MAML3: variants seen among roughly 807,000 people sequenced by gnomAD.
The protein encoded by MAML3 is mastermind like transcriptional coactivator 3.
In MAML3, 27 loss-of-function variants were observed where a neutral mutation model predicts 101.9. The observed-to-expected ratio is 0.27, with a 90% CI of 0.20 to 0.37. The LOEUF (loss-of-function observed/expected upper bound fraction) is 0.37, where lower values mean the gene tolerates loss of function less well. MAML3 is among the 10% of genes least tolerant of loss of function. The pLI is 1.00. For synonymous variants in MAML3, 501 were observed against 555.9 expected (o/e 0.90, Z 1.39); for missense variants, 1,316 against 1,444.9 (o/e 0.91, Z 1.45).
At chr4:140,004,652 C>T (rs765597964) in intron 1 of MAML3, among the ~76,000 whole-genome samples, 2 of 152,062 alleles carry the variant, frequency 1.3e-5, no homozygotes, top group African/African-American at 2.4e-5. Flanking sequence ...AGACAAAGAA[C>T]GCCATGAGAC....
intron 1 of MAML3, among the ~76,000 whole-genome samples, chr4:139,934,310 T>C (rs577563615): frequency 3.9e-5 from 6 of 152,068 alleles, no homozygotes; most frequent in Non-Finnish European, 5.9e-5. Flanking sequence ...TGGGTGTGTG[T>C]GCGTGTGAGT....
chr4:139,938,131 G>A (rs1733541509), intron 1 of MAML3, among the ~76,000 whole-genome samples: 1 of 152,112 alleles, frequency 6.6e-6, no homozygotes, highest in African/African-American at 2.4e-5. Context: ...GGCCCCCAAG[G>A]CAGAAAGATT....
intron 1 of MAML3, among the ~76,000 whole-genome samples, chr4:139,973,718 C>CA (rs1423450682): frequency 1.3e-5 from 2 of 152,108 alleles, no homozygotes; most frequent in South Asian, 2.1e-4. Context: ...ACTTATTCTC[C>CA]AAAAAACAAA....
chr4:139,769,895 G>A (rs989038251), intron 2 of MAML3, among the ~76,000 whole-genome samples: 38 of 149,914 alleles, frequency 2.5e-4, no homozygotes, highest in Non-Finnish European at 3.4e-4. Flanking sequence ...GATTACAGGC[G>A]TGAGCCATCG....
chr4:139,888,526 G>T, intron 2 of MAML3: 1 of 518,470 alleles, frequency 1.9e-6, no homozygotes, highest in Non-Finnish European at 3.8e-6. Context: ...AAGGAGCTTT[G>T]GCTGTTTGCC....
intron 2 of MAML3, among the ~76,000 whole-genome samples, chr4:139,871,022 A>G (rs1232866925): frequency 6.6e-6 from 1 of 152,240 alleles, no homozygotes; most frequent in Non-Finnish European, 1.5e-5. Flanking sequence ...GTTTGTGTGT[A>G]CATACACAAA....
chr4:139,865,496 G>T (rs11100315), intron 2 of MAML3, among the ~76,000 whole-genome samples: 68,641 of 122,054 alleles, frequency 0.56, 17,935 homozygotes, highest in African/African-American at 0.7. Flanking sequence ...TTTTTTTTTT[G>T]TTTTTTTTTT....
At chr4:139,843,291 G>T (rs1049614720) in intron 2 of MAML3, among the ~76,000 whole-genome samples, 2 of 152,064 alleles carry the variant, frequency 1.3e-5, no homozygotes, top group African/African-American at 4.8e-5. Context: ...GAAAGGTGAC[G>T]CCATCTATCT....
At chr4:139,941,856 G>A (rs927285658) in intron 1 of MAML3, among the ~76,000 whole-genome samples, 1 of 152,084 alleles carries the variant, frequency 6.6e-6, no homozygotes, top group Non-Finnish European at 1.5e-5. Context: ...ATACCAAGCC[G>A]GTCACGATGG....
chr4:139,784,628 TG>T (rs1730274896), intron 2 of MAML3, among the ~76,000 whole-genome samples: 1 of 152,236 alleles, frequency 6.6e-6, no homozygotes, highest in African/African-American at 2.4e-5. Context: ...AAGAAACATT[TG>T]TATTGCTTTT....
At chr4:139,902,276 C>T (rs1291055537) in intron 1 of MAML3, among the ~76,000 whole-genome samples, 2 of 20,110 alleles carry the variant, frequency 9.9e-5, no homozygotes, top group Admixed American at 1.7e-3. Flanking sequence ...CACACACACG[C>T]ACACACACAC....
At chr4:139,793,168 T>C (rs1428796466) in intron 2 of MAML3, among the ~76,000 whole-genome samples, 1 of 152,166 alleles carries the variant, frequency 6.6e-6, no homozygotes. Flanking sequence ...TACTGTGCTA[T>C]GCTCTTGAGC....
At chr4:140,081,532 T>G (rs374752988) in intron 1 of MAML3, among the ~76,000 whole-genome samples, 2 of 152,150 alleles carry the variant, frequency 1.3e-5, no homozygotes, top group Non-Finnish European at 2.9e-5. Context: ...TATGCAGGCA[T>G]TGGTTGGCTG....
intron 1 of MAML3, among the ~76,000 whole-genome samples, chr4:139,936,277 T>A (rs1034353130): frequency 6.6e-6 from 1 of 152,210 alleles, no homozygotes; most frequent in Non-Finnish European, 1.5e-5. Context: ...ACCACATTTT[T>A]AAATTCATTC....
intron 2 of MAML3, among the ~76,000 whole-genome samples, chr4:139,859,743 G>A (rs1029338006): frequency 5.3e-5 from 8 of 152,190 alleles, no homozygotes; most frequent in Admixed American, 4.6e-4. Flanking sequence ...AATCTGAGAC[G>A]TAAGGAGGTT....
Position 139,719,373 on chromosome 4 carries a change from G to T in MAML3, c.3367C>A (p.Pro1123Thr). The T allele has an allele frequency of 1.9e-6, 3 of 1,611,474 alleles. No individual in the cohort carries two copies. In the South Asian group the frequency reaches 3.3e-5, roughly 18 times the overall value. ...AGCTCCTGCATCCACTCGTCCCCTG[G>T]CCCGCCTTTGATGATGGAGTCCACA... ...DLVDSIIKGG[P>T]GDEWMQELDE... Residue 1123 changes from proline (P) to threonine (T), a missense_variant, in exon 5 of 5, where the codon CCA becomes ACA. Physicochemically the swap from Pro to Thr is conservative, Grantham distance 38. Coordinates refer to ENST00000509479, the MANE Select transcript of MAML3 (RefSeq NM_018717.5).
At chr4:139,851,699 C>A (rs888129206) in intron 2 of MAML3, among the ~76,000 whole-genome samples, 3 of 152,210 alleles carry the variant, frequency 2.0e-5, no homozygotes, top group African/African-American at 7.2e-5. Context: ...GGCTTTAGGA[C>A]TACCCTTGAG....
intron 1 of MAML3, among the ~76,000 whole-genome samples, chr4:140,118,170 T>C: frequency 6.6e-6 from 1 of 151,770 alleles, no homozygotes; most frequent in Non-Finnish European, 1.5e-5. Context: ...GTTTGTTTTT[T>C]TTTTTTCCCT....
At chr4:139,877,690 A>G (rs1439424095) in intron 2 of MAML3, among the ~76,000 whole-genome samples, 2 of 152,244 alleles carry the variant, frequency 1.3e-5, no homozygotes, top group Non-Finnish European at 2.9e-5. Context: ...TTTTTAAAAA[A>G]TAGCCATGAG....
Sources: gnomAD v4.1 joint callset for allele counts (sites outside exome capture counted in the v4.1 genomes callset) on GRCh38, gnomAD v4.1.1 for gene constraint, MANE v1.5 for transcripts, NCBI Gene and HGNC (gene_info 2026-07-23, HGNC 2026-07-21) for gene names.